HS6ST2: variants seen among roughly 807,000 people sequenced by gnomAD.
HS6ST2 encodes heparan-sulfate 6-O-sulfotransferase 2.
HS6ST2 carries 17 observed loss-of-function variants against 33.0 expected under a neutral mutation model. The observed-to-expected ratio is 0.52, with a 90% confidence interval of 0.35 to 0.77. The LOEUF (loss-of-function observed/expected upper bound fraction) is 0.77, where lower values mean the gene tolerates loss of function less well. Ranked by LOEUF, HS6ST2 falls within the 30% of genes least tolerant of loss-of-function variation. HS6ST2 has a pLI of 0.01. For synonymous variants in HS6ST2, 248 were observed against 237.1 expected (o/e 1.05, Z -0.42); for missense variants, 519 against 551.7 (o/e 0.94, Z 0.59).
At chrX:132,731,969 CCG>C (rs2064462674) in intron 2 of HS6ST2, among the ~76,000 whole-genome samples, 1 of 111,775 alleles carries the variant, frequency 8.9e-6, no homozygotes, top group East Asian at 2.8e-4. Context: ...TATTTCAGGG[CCG>C]CCCTGGAAAT....
At chrX:132,948,717 A>T (rs947994626) in intron 2 of HS6ST2, among the ~76,000 whole-genome samples, 7 of 112,664 alleles carry the variant, frequency 6.2e-5, no homozygotes, top group Non-Finnish European at 1.9e-5. Context: ...ACAAATATTT[A>T]TCTAAGCTTA....
chrX:132,919,071 A>C (rs928934127), intron 2 of HS6ST2, among the ~76,000 whole-genome samples: 1 of 112,160 alleles, frequency 8.9e-6, no homozygotes, highest in African/African-American at 3.2e-5. Flanking sequence ...GCAGTGGCAG[A>C]GAGTCTTTAA....
intron 2 of HS6ST2, among the ~76,000 whole-genome samples, chrX:132,811,224 C>T (rs188386959): frequency 7.2e-5 from 8 of 111,266 alleles, no homozygotes; most frequent in East Asian, 2.8e-4. Context: ...AGCTCTTACA[C>T]GAGGTGTCTG....
intron 3 of HS6ST2, among the ~76,000 whole-genome samples, chrX:132,690,872 C>T (rs2064058846): frequency 8.9e-6 from 1 of 111,867 alleles, no homozygotes; most frequent in African/African-American, 3.3e-5. Flanking sequence ...TCCCAGTCTA[C>T]AACACACTGT....
chrX:132,777,163 A>G (rs1007844271), intron 2 of HS6ST2, among the ~76,000 whole-genome samples: 1 of 105,297 alleles, frequency 9.5e-6, no homozygotes, highest in Non-Finnish European at 1.9e-5. Context: ...ACCCCCTACA[A>G]CAAAGAATTA....
intron 2 of HS6ST2, among the ~76,000 whole-genome samples, chrX:132,924,503 A>C (rs2066690141): frequency 8.9e-6 from 1 of 111,907 alleles, no homozygotes; most frequent in African/African-American, 3.3e-5. Flanking sequence ...TTTGATTTTC[A>C]TTCCTCCAAA....
At chrX:132,914,648 T>C (rs1436335901) in intron 2 of HS6ST2, among the ~76,000 whole-genome samples, 3 of 112,113 alleles carry the variant, frequency 2.7e-5, no homozygotes, top group Non-Finnish European at 5.6e-5. Context: ...CAGGACCATT[T>C]TTTGGGCAGC....
At chrX:132,765,483 G>A (rs1444820809) in intron 2 of HS6ST2, among the ~76,000 whole-genome samples, 1 of 111,220 alleles carries the variant, frequency 9.0e-6, no homozygotes, top group African/African-American at 3.3e-5. Context: ...TTGACACATG[G>A]TCTTGCACTG....
At chrX:132,704,049 GA>G (rs758789736) in intron 3 of HS6ST2, among the ~76,000 whole-genome samples, 48 of 111,338 alleles carry the variant, frequency 4.3e-4, no homozygotes, top group Non-Finnish European at 8.1e-4. Context: ...ATGAATGAAA[GA>G]AAAAAATCTA....
At chrX:132,683,260 C>A (rs1264666761) in intron 3 of HS6ST2, among the ~76,000 whole-genome samples, 1 of 112,107 alleles carries the variant, frequency 8.9e-6, no homozygotes, top group African/African-American at 3.2e-5. Context: ...CAGGATGTAT[C>A]CATGACCTAT....
chrX:132,630,806 G>A (rs1290445907), intron 4 of HS6ST2, among the ~76,000 whole-genome samples: 1 of 110,230 alleles, frequency 9.1e-6, no homozygotes, highest in African/African-American at 3.3e-5. Flanking sequence ...TTAGCCAGGT[G>A]TGGTTGTGCG....
chrX:132,846,393 G>A (rs1296627437), intron 2 of HS6ST2, among the ~76,000 whole-genome samples: 2 of 112,697 alleles, frequency 1.8e-5, no homozygotes, highest in Non-Finnish European at 3.8e-5. Flanking sequence ...CAAGTGGTTT[G>A]TTTGCAGGAT....
rs372151764 is a variant in HS6ST2, at chrX:132,894,332, G to A, written c.947+62476C>T. On this transcript the variant is annotated intron_variant, in intron 2 of 4. Coordinates refer to ENST00000370833, the MANE Select transcript of HS6ST2 (RefSeq NM_001394073.1). ...ATTTTTGTATTTTTAGTAGAGATGG[G>A]GTTTCACCATGTTGGTCAGGCTAGT... is the stretch of plus-strand genomic sequence containing the variant. Among the ~76,000 whole-genome samples the A allele has an allele frequency of 5.7e-4, 62 of 108,197 alleles. 1 individual carries two copies. Among genetic ancestry groups the A allele is most frequent in the African/African-American group, 2.1e-3 (61 of 29,643 alleles). The allele number at this position is 108,197 out of a possible 115,157, so 94.0% of individuals were successfully genotyped here. A position where few individuals can be genotyped will look rare whatever the true frequency, so the allele number is the denominator to read the frequency against.
intron 2 of HS6ST2, among the ~76,000 whole-genome samples, chrX:132,832,058 T>A (rs1483335516): frequency 9.0e-6 from 1 of 111,290 alleles, no homozygotes; most frequent in Non-Finnish European, 1.9e-5. Context: ...CGAGGAGAGC[T>A]AGGGAGTCTC....
At chrX:132,812,726 A>C (rs2065361209) in intron 2 of HS6ST2, among the ~76,000 whole-genome samples, 2 of 110,334 alleles carry the variant, frequency 1.8e-5, no homozygotes, top group South Asian at 7.8e-4. Context: ...TTCTAAATTA[A>C]AGAAAATAAT....
intron 2 of HS6ST2, among the ~76,000 whole-genome samples, chrX:132,789,077 C>T (rs2065092942): frequency 8.9e-6 from 1 of 112,496 alleles, no homozygotes; most frequent in Admixed American, 9.4e-5. Flanking sequence ...CTATGCCAAA[C>T]AACAGATTTT....
intron 3 of HS6ST2, among the ~76,000 whole-genome samples, chrX:132,688,683 A>G (rs1439642880): frequency 8.9e-6 from 1 of 111,835 alleles, no homozygotes; most frequent in Non-Finnish European, 1.9e-5. Flanking sequence ...TCCCTTCCAC[A>G]ACAAGTGGGG....
At chrX:132,796,624 C>T (rs908411778) in intron 2 of HS6ST2, among the ~76,000 whole-genome samples, 1 of 112,411 alleles carries the variant, frequency 8.9e-6, no homozygotes, top group Non-Finnish European at 1.9e-5. Context: ...CCAAATAGGC[C>T]TTAACTGAGA....
At chrX:132,784,304 CTTGTTTGTTTGT>C (rs763187044) in intron 2 of HS6ST2, among the ~76,000 whole-genome samples, 1 of 110,694 alleles carries the variant, frequency 9.0e-6, no homozygotes, top group Non-Finnish European at 1.9e-5. Flanking sequence ...TCTCTTTTTG[CTTGTTTGTTTGT>C]TTGTTTGTTT....
Sources: allele counts gnomAD v4.1 joint callset (sites outside exome capture counted in the v4.1 genomes callset), GRCh38; gene constraint gnomAD v4.1.1; transcripts MANE v1.5; gene names NCBI Gene and HGNC (gene_info 2026-07-23, HGNC 2026-07-21).